The following RYR3 variants were observed in gnomAD, a reference collection of about 807,000 sequenced individuals.
RYR3 encodes ryanodine receptor 3, also known as brain ryanodine receptor-calcium release channel.
A neutral mutation model predicts 584.3 loss-of-function variants in RYR3; 207 were observed. The observed-to-expected ratio is 0.35, with a 90% CI of 0.32 to 0.40. The LOEUF (loss-of-function observed/expected upper bound fraction) is 0.40, where lower values mean the gene tolerates loss of function less well. Among genes scored for constraint, RYR3 ranks in the 10% least tolerant of loss-of-function variants. RYR3 has a pLI of 1.00. For missense variants in RYR3, 5,616 were observed against 6,089.2 expected (o/e 0.92, Z 2.59); for synonymous variants, 2,416 against 2,248.5 (o/e 1.07, Z -2.11).
chr15:33,618,190 G>T (rs2060547696), intron 19 of RYR3, among the ~76,000 whole-genome samples: 2 of 152,024 alleles, frequency 1.3e-5, no homozygotes, highest in Admixed American at 6.6e-5. Context: ...CATGAGTTAG[G>T]CATCATAGAA....
At chr15:33,655,023 G>A (rs573810066) in intron 32 of RYR3, among the ~76,000 whole-genome samples, 2 of 152,296 alleles carry the variant, frequency 1.3e-5, no homozygotes, top group South Asian at 4.1e-4. Context: ...CAGCCTGTTG[G>A]CACAGAGGCC....
intron 3 of RYR3, among the ~76,000 whole-genome samples, chr15:33,504,060 AG>A (rs1397328704): frequency 6.6e-6 from 1 of 152,204 alleles, no homozygotes; most frequent in Non-Finnish European, 1.5e-5. Context: ...CTTGAGATTG[AG>A]CATGCCTGTG....
intron 1 of RYR3, among the ~76,000 whole-genome samples, chr15:33,349,157 A>T (rs894207115): frequency 7.3e-6 from 1 of 137,664 alleles, no homozygotes; most frequent in African/African-American, 2.8e-5. Flanking sequence ...TGGATGTACC[A>T]CAGTTTGTTT....
At chr15:33,313,570 G>A (rs1967658056) in intron 1 of RYR3, among the ~76,000 whole-genome samples, 1 of 152,198 alleles carries the variant, frequency 6.6e-6, no homozygotes, top group Non-Finnish European at 1.5e-5. Flanking sequence ...CTCTGGGTAT[G>A]TCTGGGTTAG....
intron 48 of RYR3, among the ~76,000 whole-genome samples, chr15:33,735,654 C>G (rs2069390789): frequency 6.6e-6 from 1 of 152,134 alleles, no homozygotes; most frequent in African/African-American, 2.4e-5. Context: ...TTTATTTGTG[C>G]CATGAACTCT....
rs536212676 is a variant in RYR3 at position 33,645,888 on chromosome 15, G to A, written c.3766-463G>A. Among the ~76,000 whole-genome samples, 27 of 152,282 alleles carry A rather than the reference G, an allele frequency of 1.8e-4. No individual in the cohort carries two copies. In the South Asian group the frequency reaches 5.2e-3, roughly 29 times the overall value. Reference sequence around the variant, plus strand: ...GGCAGAGATGAGAGCTGGGCTGGGTGGGGAGGGTGTCCTCCTCAGGAGCTG... The same window carrying A: ...GGCAGAGATGAGAGCTGGGCTGGGTAGGGAGGGTGTCCTCCTCAGGAGCTG... On this transcript the variant is annotated intron_variant, in intron 28 of 103. Coordinates refer to ENST00000634891, the MANE Select transcript of RYR3 (RefSeq NM_001036.6).
At chr15:33,808,735 C>A (rs79266624) in intron 70 of RYR3, among the ~76,000 whole-genome samples, 7,895 of 152,186 alleles carry the variant, frequency 0.052, 664 homozygotes, top group African/African-American at 0.18. Flanking sequence ...AGTTGGCACA[C>A]GCTCAGTCTG....
At chr15:33,820,363 C>T (rs1333465484) in intron 77 of RYR3, among the ~76,000 whole-genome samples, 2 of 152,202 alleles carry the variant, frequency 1.3e-5, no homozygotes, top group Non-Finnish European at 1.5e-5. Flanking sequence ...TTAGGATTCA[C>T]ATCCTAGGTG....
chr15:33,345,084 TTTC>T (rs1023415359), intron 1 of RYR3, among the ~76,000 whole-genome samples: 5 of 150,968 alleles, frequency 3.3e-5, no homozygotes, highest in Admixed American at 6.6e-5. Context: ...CACTGCTTTT[TTTC>T]TTTTCTTTTC....
intron 3 of RYR3, among the ~76,000 whole-genome samples, chr15:33,506,281 T>G (rs1306037059): frequency 2.0e-5 from 3 of 152,220 alleles, no homozygotes; most frequent in Admixed American, 6.5e-5. Context: ...GAAGTTTGTT[T>G]AATATAATTA....
chr15:33,341,330 C>T (rs1020188044), intron 1 of RYR3, among the ~76,000 whole-genome samples: 8 of 152,162 alleles, frequency 5.3e-5, no homozygotes, highest in East Asian at 1.9e-4. Context: ...TGAGCCACTG[C>T]GCCCGGTCTG....
Position 33,780,246 on chromosome 15 carries a change from T to C in RYR3, c.9173T>C (p.Leu3058Pro). 1 of 1,613,842 alleles carries C rather than the reference T, an allele frequency of 6.2e-7. No homozygotes were observed. Among genetic ancestry groups the C allele is most frequent in the Non-Finnish European group, 8.5e-7 (1 of 1,179,816 alleles). ...RPALGECLAS[L>P]AAAIPVAFLE... ...GCCCTTGGAGAATGTCTGGCCTCGC[T>C]GGCAGCTGCCATACCAGTGGCATTC... The change falls in exon 65 of 104, where the codon CTG (leucine) becomes CCG (proline). Residue 3058 changes from leucine to proline, a missense_variant. Physicochemically the swap from Leu to Pro is moderately conservative, Grantham distance 98 (BLOSUM62 -3). Around this residue, in one of 9 missense-constraint regions of RYR3, gnomAD observed 954 missense variants for 1,132.2 expected, o/e 0.84. Transcript: ENST00000634891.
intron 45 of RYR3, among the ~76,000 whole-genome samples, chr15:33,724,549 C>T (rs1012117476): frequency 2.0e-5 from 3 of 152,216 alleles, no homozygotes; most frequent in African/African-American, 7.2e-5. Flanking sequence ...ATGACTGTGG[C>T]GTTAGGCCCC....
chr15:33,813,389 A>G (rs2076648268), intron 73 of RYR3, 78 bp from the exon 74 acceptor site: 2 of 1,254,642 alleles, frequency 1.6e-6, no homozygotes, highest in Admixed American at 1.7e-5. Context: ...AGAATGAAGA[A>G]GTCTGGGCTA....
chr15:33,642,234 C>G (rs1194740758), intron 27 of RYR3, among the ~76,000 whole-genome samples: 1 of 152,202 alleles, frequency 6.6e-6, no homozygotes, highest in African/African-American at 2.4e-5. Context: ...ATTGTTGCTG[C>G]TTCCCACTGA....
intron 67 of RYR3, among the ~76,000 whole-genome samples, chr15:33,796,245 C>T (rs1225573853): frequency 2.0e-5 from 3 of 152,182 alleles, no homozygotes; most frequent in Non-Finnish European, 4.4e-5. Flanking sequence ...AGTGATTCTC[C>T]TGCCTCAGCC....
intron 10 of RYR3, among the ~76,000 whole-genome samples, chr15:33,558,916 G>A (rs2057249935): frequency 6.6e-6 from 1 of 152,124 alleles, no homozygotes; most frequent in African/African-American, 2.4e-5. Context: ...GGGGAAGCTG[G>A]GGGAAAGCCT....
At chr15:33,407,823 G>A (rs1322650866) in intron 1 of RYR3, among the ~76,000 whole-genome samples, 4 of 152,104 alleles carry the variant, frequency 2.6e-5, no homozygotes, top group Non-Finnish European at 5.9e-5. Context: ...TGGATTCCTG[G>A]CTAACCATAG....
rs374289969 is a variant in RYR3, at chr15:33,548,142, C to T, written c.753C>T (p.Tyr251=). The T allele has an allele frequency of 1.3e-5, 21 of 1,612,142 alleles. No individual in the cohort carries two copies. Among genetic ancestry groups the T allele is most frequent in the Admixed American group, 5.0e-5 (3 of 59,876 alleles). ...ACTCTGCTCACAGGAGGATATTCTA[C>T]GAAGCTGGGGGAGCTGGGACTCGAG... ...QNDSQHRRIF[Y]EAGGAGTRAR... The change falls in exon 9 of 104, where the codon TAC becomes TAT. Residue 251 remains tyrosine, a synonymous_variant. Transcript: ENST00000634891.
Sources: allele counts gnomAD v4.1 joint callset (sites outside exome capture counted in the v4.1 genomes callset), GRCh38; gene constraint gnomAD v4.1.1; regional missense constraint gnomAD v4.1.1; transcripts MANE v1.5; gene names NCBI Gene and HGNC (gene_info 2026-07-23, HGNC 2026-07-21).